Variants in FIG4 observed in about 807,000 individuals in gnomAD.
The protein encoded by FIG4 is FIG4 phosphoinositide 5-phosphatase.
In FIG4, 112 loss-of-function variants were observed where a neutral mutation model predicts 118.6. The observed-to-expected ratio is 0.94, with a 90% confidence interval of 0.81 to 1.11. The LOEUF is 1.11. Among genes scored for constraint, FIG4 ranks in the 50% least tolerant of loss-of-function variants. FIG4 has a pLI of 0.00. For missense variants in FIG4, 969 were observed against 1,111.7 expected, an observed-to-expected ratio of 0.87 and a Z score of 1.83; for synonymous variants, 369 against 381.2, an observed-to-expected ratio of 0.97 and a Z score of 0.37.
intron 10 of FIG4, among the ~76,000 whole-genome samples, chr6:109,748,105 T>A (rs1309066154): frequency 6.6e-6 from 1 of 151,996 alleles, no homozygotes; most frequent in Admixed American, 6.6e-5. Context: ...GTGGAGAAGG[T>A]TTAAGTCTTT....
chr6:109,703,789 G>A (rs1250401306), intron 1 of FIG4, among the ~76,000 whole-genome samples: 1 of 152,194 alleles, frequency 6.6e-6, no homozygotes, highest in Non-Finnish European at 1.5e-5. Context: ...AGCATCTGAT[G>A]TGACTGCTTT....
At chr6:109,708,189 T>G (rs1204444416) in intron 1 of FIG4, among the ~76,000 whole-genome samples, 1 of 152,212 alleles carries the variant, frequency 6.6e-6, no homozygotes, top group Non-Finnish European at 1.5e-5. Context: ...CCTCTGTGTG[T>G]CCATGTGTTC....
intron 15 of FIG4, among the ~76,000 whole-genome samples, chr6:109,771,047 G>A (rs773807562): frequency 1.3e-5 from 2 of 152,224 alleles, no homozygotes; most frequent in Admixed American, 6.5e-5. Context: ...ATCAAGAATA[G>A]TGAGATAGCC....
At chr6:109,707,129 T>G (rs1250909160) in intron 1 of FIG4, among the ~76,000 whole-genome samples, 1 of 152,146 alleles carries the variant, frequency 6.6e-6, no homozygotes, top group African/African-American at 2.4e-5. Context: ...TAGTGTCATC[T>G]AGACTGTACC....
chr6:109,724,458 T>G (rs1377130488), intron 3 of FIG4, among the ~76,000 whole-genome samples: 1 of 152,216 alleles, frequency 6.6e-6, no homozygotes, highest in Non-Finnish European at 1.5e-5. Flanking sequence ...GAAACAGCAT[T>G]GAGAAATGTG....
At chr6:109,728,043 T>C (rs1775874131) in intron 4 of FIG4, among the ~76,000 whole-genome samples, 3 of 152,220 alleles carry the variant, frequency 2.0e-5, no homozygotes, top group Non-Finnish European at 4.4e-5. Context: ...AGTTTGTATG[T>C]GGACTACATA....
chr6:109,809,062 C>T (rs986538032), intron 22 of FIG4, among the ~76,000 whole-genome samples: 3 of 152,190 alleles, frequency 2.0e-5, no homozygotes, highest in Non-Finnish European at 4.4e-5. Flanking sequence ...GATATAGTTT[C>T]AGTTCTACAT....
intron 18 of FIG4, 104 bp downstream of exon 18, chr6:109,786,553 T>C (rs1777964506): frequency 3.8e-6 from 5 of 1,304,450 alleles, no homozygotes; most frequent in Non-Finnish European, 2.2e-6. Flanking sequence ...GTAGGCCTTC[T>C]GTCAGGTGGG....
intron 1 of FIG4, among the ~76,000 whole-genome samples, chr6:109,710,236 T>C (rs1385302640): frequency 1.3e-5 from 2 of 152,240 alleles, no homozygotes; most frequent in African/African-American, 4.8e-5. Context: ...TCTTTAGTTC[T>C]GTTTATATGG....
intron 10 of FIG4, among the ~76,000 whole-genome samples, chr6:109,757,021 T>C (rs143311599): frequency 0.021 from 3,169 of 152,264 alleles, 100 homozygotes; most frequent in African/African-American, 0.073. Flanking sequence ...TCACCCGTCT[T>C]CTGCGTCGCT....
At chr6:109,777,350 T>G (rs1258038291) in intron 16 of FIG4, among the ~76,000 whole-genome samples, 1 of 152,186 alleles carries the variant, frequency 6.6e-6, no homozygotes, top group Non-Finnish European at 1.5e-5. Context: ...TTCCGTACTA[T>G]TGATGTCCTG....
intron 3 of FIG4, among the ~76,000 whole-genome samples, chr6:109,726,591 G>A (rs1672706189): frequency 6.6e-6 from 1 of 151,948 alleles, no homozygotes; most frequent in Non-Finnish European, 1.5e-5. Context: ...GGCTATGAGG[G>A]CTCTTTTTTG....
intron 16 of FIG4, among the ~76,000 whole-genome samples, chr6:109,779,593 G>T (rs1419742326): frequency 6.6e-6 from 1 of 152,128 alleles, no homozygotes; most frequent in Non-Finnish European, 1.5e-5. Flanking sequence ...TTTTCCTCTA[G>T]AATGTCAAAA....
chr6:109,723,836 G>T, intron 3 of FIG4, among the ~76,000 whole-genome samples: 1 of 152,182 alleles, frequency 6.6e-6, no homozygotes, highest in East Asian at 1.9e-4. Flanking sequence ...AGAAGTGGAG[G>T]AGCTTGGTCT....
At chr6:109,725,625 T>TG (rs1211670707) in intron 3 of FIG4, among the ~76,000 whole-genome samples, 2 of 152,212 alleles carry the variant, frequency 1.3e-5, no homozygotes, top group Non-Finnish European at 2.9e-5. Context: ...TACCCAGTAA[T>TG]GGGATTGCTG....
At chr6:109,812,348 G>A (rs1442471808) in intron 22 of FIG4, among the ~76,000 whole-genome samples, 1 of 152,166 alleles carries the variant, frequency 6.6e-6, no homozygotes, top group African/African-American at 2.4e-5. Context: ...ATGGAGTGAG[G>A]CATAGGTAGG....
At chr6:109,799,836 G>A (rs1327253285) in intron 22 of FIG4, among the ~76,000 whole-genome samples, 1 of 152,106 alleles carries the variant, frequency 6.6e-6, no homozygotes, top group African/African-American at 2.4e-5. Context: ...CCCCAAACTG[G>A]TCAATGTCTG....
chr6:109,743,153 A>G lies in FIG4; in HGVS notation c.920A>G (p.Asp307Gly). The G allele has an allele frequency of 6.2e-7, 1 of 1,613,086 alleles. No individual in the cohort carries two copies. Among genetic ancestry groups the G allele is most frequent in the Non-Finnish European group, 8.5e-7 (1 of 1,179,320 alleles). The part of the protein sequence containing the change: ...NEVETEQILC[D>G]ASVMSFTAGS... ...GTGGAGACTGAACAAATACTCTGCG[A>G]TGCTTCTGTGATGTCTTTCACTGCA... Residue 307 changes from aspartate to glycine, a missense_variant, in exon 9 of 23, where the codon GAT (aspartate) becomes GGT (glycine). By Grantham distance (94) the Asp-to-Gly change is moderately conservative. Around this residue, in one of 3 missense-constraint regions of FIG4, gnomAD observed 393 missense variants for 409.4 expected, o/e 0.96. Transcript: ENST00000230124.
intron 10 of FIG4, among the ~76,000 whole-genome samples, chr6:109,750,555 T>C (rs1289377125): frequency 6.6e-6 from 1 of 151,942 alleles, no homozygotes; most frequent in Non-Finnish European, 1.5e-5. Context: ...ATCACTTGAG[T>C]CCAGGAGTTC....
Sources: gnomAD v4.1 joint callset for allele counts (sites outside exome capture counted in the v4.1 genomes callset) on GRCh38, gnomAD v4.1.1 for gene constraint, gnomAD v4.1.1 regional missense constraint, MANE v1.5 for transcripts, NCBI Gene and HGNC (gene_info 2026-07-23, HGNC 2026-07-21) for gene names.